The following ANK2 variants were observed in gnomAD, a reference collection of about 807,000 sequenced individuals.
ANK2 encodes the protein ankyrin 2.
ANK2 carries 83 observed loss-of-function variants against 360.5 expected under a neutral mutation model. The ratio of observed to expected loss-of-function variants is 0.23; its 90% CI spans 0.19 to 0.28. ANK2 has a LOEUF of 0.28. Among genes scored for constraint, ANK2 ranks in the 10% least tolerant of loss-of-function variants. ANK2 has a pLI of 1.00. For synonymous variants in ANK2, 1,740 were observed against 1,759.5 expected, an observed-to-expected ratio of 0.99 and a Z score of 0.28; for missense variants, 4,201 against 4,795.7, an observed-to-expected ratio of 0.88 and a Z score of 3.66.
intron 14 of ANK2, among the ~76,000 whole-genome samples, chr4:113,269,238 G>T (rs900895189): frequency 6.6e-6 from 1 of 152,208 alleles, no homozygotes; most frequent in African/African-American, 2.4e-5. Context: ...CACTGAGCTA[G>T]ACCACTTGGC....
At chr4:113,151,036 C>G in intron 1 of ANK2, 1 of 1,258,018 alleles carries the variant, frequency 7.9e-7, no homozygotes, top group African/African-American at 1.6e-5. Context: ...ACTAGGAAAT[C>G]ACCCAAAGTA....
At chr4:112,828,982 T>TG (rs1300964356) in intron 1 of ANK2, among the ~76,000 whole-genome samples, 5 of 152,260 alleles carry the variant, frequency 3.3e-5, no homozygotes, top group Admixed American at 6.5e-5. Flanking sequence ...GGTGAAACCC[T>TG]GTCTCTACTA....
intron 1 of ANK2, among the ~76,000 whole-genome samples, chr4:113,093,096 C>A (rs1278500484): frequency 3.3e-5 from 5 of 152,062 alleles, no homozygotes; most frequent in Admixed American, 1.3e-4. Flanking sequence ...CCTTAACATG[C>A]TTATAGTGCA....
intron 23 of ANK2, among the ~76,000 whole-genome samples, chr4:113,306,794 T>C (rs1411555585): frequency 6.6e-6 from 1 of 152,130 alleles, no homozygotes; most frequent in East Asian, 1.9e-4. Flanking sequence ...GTGGTGGGTG[T>C]GGAATCAAAA....
chr4:112,814,432 TG>T (rs1553924216), upstream of ANK2, among the ~76,000 whole-genome samples: 3 of 57,428 alleles, frequency 5.2e-5, no homozygotes, highest in East Asian at 2.0e-3. Flanking sequence ...AGCGTTTTTT[TG>T]TTTTTTTGTT....
the ANK2 span, among the ~76,000 whole-genome samples, chr4:112,775,478 C>T: frequency 2.8e-4 from 38 of 135,734 alleles, no homozygotes; most frequent in African/African-American, 8.7e-4. Context: ...GAGATTGGGC[C>T]GCCGCACTCC....
rs191025618 is a variant in ANK2 at position 113,142,815 on chromosome 4, G to A, written c.85-31601G>A. 3.7e-4 allele frequency among the ~76,000 whole-genome samples: 57 copies of A among 152,080 alleles called. 1 individual carries two copies. The highest frequency in any genetic ancestry group is 1.2e-3 in the African/African-American group (49 of 41,390). Reference sequence around the variant, plus strand: ...CAGTTGTCAGCATGTTACTTGGTTGGTTCATACTCTCAGTGGTTTTTTCGT... The same window carrying A: ...CAGTTGTCAGCATGTTACTTGGTTGATTCATACTCTCAGTGGTTTTTTCGT... On this transcript the variant is annotated intron_variant, in intron 1 of 45. Coordinates refer to ENST00000357077, the MANE Select transcript of ANK2 (RefSeq NM_001148.6).
At chr4:112,733,997 A>G in the ANK2 span, among the ~76,000 whole-genome samples, 1 of 151,962 alleles carries the variant, frequency 6.6e-6, no homozygotes, top group Non-Finnish European at 1.5e-5. Context: ...CTGGTCTCGA[A>G]CTCCTGGCCT....
At chr4:113,012,095 C>T (rs2054932444) in intron 2 of ANK2, among the ~76,000 whole-genome samples, 1 of 152,024 alleles carries the variant, frequency 6.6e-6, no homozygotes, top group South Asian at 2.1e-4. Flanking sequence ...ACACTTGATC[C>T]TCCATTTATA....
chr4:113,046,911 G>A (rs190113919), upstream of ANK2, among the ~76,000 whole-genome samples: 4 of 152,290 alleles, frequency 2.6e-5, no homozygotes, highest in South Asian at 6.2e-4. Flanking sequence ...GTTGAAATAC[G>A]AAGTATATTT....
rs555319069 is a variant in ANK2, at chr4:112,940,845, C to A, written c.21+36331C>A. On this transcript the variant is annotated intron_variant, in intron 2 of 30. Coordinates refer to the ANK2 transcript ENST00000503271. ...GGCATCTATTTTCTCTTGATGAAAG[C>A]ACAGCCGAACAGGGATTCTCGTGTC... Among the ~76,000 whole-genome samples, 60 of 152,186 alleles carry A rather than the reference C, an allele frequency of 3.9e-4. No individual in the cohort carries two copies. In the South Asian group the frequency reaches 8.9e-3, roughly 23 times the overall value.
intron 2 of ANK2, among the ~76,000 whole-genome samples, chr4:112,982,809 C>T (rs1057113106): frequency 2.6e-5 from 4 of 151,994 alleles, no homozygotes; most frequent in South Asian, 2.1e-4. Flanking sequence ...TTCAGTTAAG[C>T]GATTCTAAAA....
chr4:113,264,360 G>T (rs183645649), intron 13 of ANK2, among the ~76,000 whole-genome samples: 1 of 152,300 alleles, frequency 6.6e-6, no homozygotes, highest in African/African-American at 2.4e-5. Flanking sequence ...ACATAGTTAA[G>T]TGAGACAATG....
chr4:113,122,313 A>G (rs2095414802), intron 1 of ANK2, among the ~76,000 whole-genome samples: 1 of 152,062 alleles, frequency 6.6e-6, no homozygotes, highest in Non-Finnish European at 1.5e-5. Context: ...TCTGAAGGGA[A>G]GTCCAACTAC....
At chr4:112,981,278 GT>G (rs1330768410) in intron 2 of ANK2, among the ~76,000 whole-genome samples, 12 of 152,240 alleles carry the variant, frequency 7.9e-5, no homozygotes, top group African/African-American at 2.9e-4. Context: ...CAGAATGCCA[GT>G]TGGTGTTTGA....
chr4:113,211,035 G>A (rs1179831473), intron 4 of ANK2, among the ~76,000 whole-genome samples: 1 of 152,188 alleles, frequency 6.6e-6, no homozygotes, highest in Non-Finnish European at 1.5e-5. Context: ...GTGGAAATAA[G>A]TATTGCTCAA....
At chr4:112,876,890 A>G (rs2075281312) in intron 1 of ANK2, among the ~76,000 whole-genome samples, 1 of 152,152 alleles carries the variant, frequency 6.6e-6, no homozygotes, top group Non-Finnish European at 1.5e-5. Flanking sequence ...AGTAGAGATA[A>G]TTTGTTGCAC....
At chr4:113,327,011 A>C in intron 26 of ANK2, among the ~76,000 whole-genome samples, 1 of 152,138 alleles carries the variant, frequency 6.6e-6, no homozygotes, top group East Asian at 1.9e-4. Flanking sequence ...CTCAAGGAAA[A>C]AAAAATTGTT....
At chr4:112,740,947 A>G in the ANK2 span, among the ~76,000 whole-genome samples, 4 of 151,822 alleles carry the variant, frequency 2.6e-5, no homozygotes, top group African/African-American at 7.3e-5. Flanking sequence ...CCGAGATTGC[A>G]TCACTGCACT....
Sources: gnomAD v4.1 joint callset for allele counts (sites outside exome capture counted in the v4.1 genomes callset) on GRCh38, gnomAD v4.1.1 for gene constraint, MANE v1.5 for transcripts, NCBI Gene and HGNC (gene_info 2026-07-23, HGNC 2026-07-21) for gene names.